The following ROCK1 variants were observed in gnomAD, a reference collection of about 807,000 sequenced individuals.
ROCK1 encodes the protein Rho associated coiled-coil containing protein kinase 1.
In ROCK1, 36 loss-of-function variants were observed where a neutral mutation model predicts 196.8. The ratio of observed to expected loss-of-function variants is 0.18; its 90% confidence interval spans 0.14 to 0.24. The LOEUF is 0.24. Among genes scored for constraint, ROCK1 ranks in the 10% least tolerant of loss-of-function variants. The pLI is 1.00. For missense variants in ROCK1, 920 were observed against 1,562.0 expected (o/e 0.59, Z 6.93); for synonymous variants, 443 against 515.9 (o/e 0.86, Z 1.91).
chr18:21,014,302 T>C (rs2035844794), intron 13 of ROCK1, among the ~76,000 whole-genome samples: 1 of 152,156 alleles, frequency 6.6e-6, no homozygotes, highest in African/African-American at 2.4e-5. Context: ...GAAGACTCAT[T>C]CATGTGTTGT....
At chr18:21,011,168 T>C (rs1480490396) in intron 13 of ROCK1, among the ~76,000 whole-genome samples, 1 of 152,194 alleles carries the variant, frequency 6.6e-6, no homozygotes, top group African/African-American at 2.4e-5. Flanking sequence ...TTTAATGTCA[T>C]TATTGGTAGT....
At chr18:20,984,742 A>G (rs2035562727) in intron 19 of ROCK1, among the ~76,000 whole-genome samples, 1 of 152,192 alleles carries the variant, frequency 6.6e-6, no homozygotes, top group African/African-American at 2.4e-5. Flanking sequence ...CAGACATGAG[A>G]TCTTGTGGAG....
intron 22 of ROCK1, among the ~76,000 whole-genome samples, chr18:20,976,676 A>G (rs1236621468): frequency 6.6e-6 from 1 of 152,204 alleles, no homozygotes; most frequent in Non-Finnish European, 1.5e-5. Flanking sequence ...ACAGATCTCT[A>G]TATTAGTGGT....
chr18:21,024,854 T>TA (rs1202032488), intron 10 of ROCK1, among the ~76,000 whole-genome samples: 2 of 152,208 alleles, frequency 1.3e-5, no homozygotes, highest in Non-Finnish European at 1.5e-5. Flanking sequence ...AAAAGTCCCA[T>TA]ATAACAAATG....
At chr18:20,960,318 A>G (rs2035315122) in intron 27 of ROCK1, 112 bp from the exon 28 acceptor site, 8 of 665,152 alleles carry the variant, frequency 1.2e-5, no homozygotes, top group Non-Finnish European at 1.9e-5. Context: ...AACTAAATGA[A>G]TAAGTGCTAT....
chr18:21,022,996 T>A (rs1047969147), intron 11 of ROCK1, among the ~76,000 whole-genome samples: 1 of 122,152 alleles, frequency 8.2e-6, no homozygotes, highest in South Asian at 2.6e-4. Context: ...CACATATGGA[T>A]AAATATTGTA....
chr18:21,045,303 A>G lies in ROCK1; in HGVS notation c.579T>C (p.Gly193=), dbSNP rs1598541808. ...ACTTTTATCTTTACCTGTGAATAAAACCCATGGAATGGATTGCATCCAATG... is the reference window on the plus strand; with the variant it reads ...ACTTTTATCTTTACCTGTGAATAAAGCCCATGGAATGGATTGCATCCAATG... The part of the protein sequence containing the change: ...VLALDAIHSM[G]FIHRDVKPDN... Residue 193 remains glycine (G), a synonymous_variant, in exon 5 of 33, where the codon GGT becomes GGC. Coordinates refer to ENST00000399799, the MANE Select transcript of ROCK1 (RefSeq NM_005406.3). 1.2e-6 allele frequency: 2 copies of G among 1,601,274 alleles called. No individual in the cohort carries two copies. The highest frequency in any genetic ancestry group is 1.7e-6 in the Non-Finnish European group (2 of 1,175,886).
chr18:21,036,509 A>G (rs2036058664), intron 9 of ROCK1, among the ~76,000 whole-genome samples: 1 of 152,224 alleles, frequency 6.6e-6, no homozygotes. Context: ...CAGTAGCATT[A>G]TCATAGCTAA....
intron 2 of ROCK1, 129 bp from the exon 3 acceptor site, chr18:21,050,009 ATGG>A: frequency 2.0e-6 from 1 of 511,432 alleles, no homozygotes; most frequent in Non-Finnish European, 3.3e-6. Context: ...ATTTGAAAAT[ATGG>A]TGAAACTTGA....
chr18:20,999,834 CG>C (rs996629706), intron 16 of ROCK1, among the ~76,000 whole-genome samples: 2 of 152,022 alleles, frequency 1.3e-5, no homozygotes, highest in African/African-American at 4.8e-5. Flanking sequence ...CCATGTTGCT[CG>C]GGGGGGTCTC....
intron 20 of ROCK1, among the ~76,000 whole-genome samples, chr18:20,983,227 A>G (rs971684204): frequency 6.6e-6 from 1 of 150,904 alleles, no homozygotes; most frequent in African/African-American, 2.4e-5. Flanking sequence ...AAATTTAATA[A>G]TAATTCAGTG....
chr18:21,081,009 T>C (rs1598556018), intron 1 of ROCK1, among the ~76,000 whole-genome samples: 1 of 152,106 alleles, frequency 6.6e-6, no homozygotes. Context: ...ATAAACCAAC[T>C]GGACCTAACA....
At chr18:21,094,440 G>A (rs906477932) in intron 1 of ROCK1, among the ~76,000 whole-genome samples, 3 of 152,074 alleles carry the variant, frequency 2.0e-5, no homozygotes, top group Admixed American at 1.3e-4. Flanking sequence ...ATTTTTAAAT[G>A]GGCAAAGGAT....
chr18:20,953,055 T>C (rs1459502032), intron 32 of ROCK1, among the ~76,000 whole-genome samples: 2 of 152,106 alleles, frequency 1.3e-5, no homozygotes, highest in Admixed American at 6.5e-5. Context: ...CAAACCACCA[T>C]GGCACGTGTA....
At position 20,979,988 on chromosome 18, in the gene ROCK1, T is replaced by C; in HGVS notation, c.2576A>G (p.Gln859Arg). The C allele has an allele frequency of 6.4e-7, 1 of 1,555,508 alleles. No homozygotes were observed. Among genetic ancestry groups the C allele is most frequent in the Non-Finnish European group, 8.7e-7 (1 of 1,148,912 alleles). The stretch of plus-strand genomic sequence containing the variant: ...AATTTCTTCTTTAAGTTCCTTTACC[T>C]GGGTTTTATAAAGTGTCTGCAAAAC... ...EQYFSTLYKT[Q>R]VKELKEEIEE... The change falls in exon 22 of 33, where the codon CAG (glutamine) becomes CGG (arginine). Residue 859 changes from glutamine to arginine, a missense_variant. Gln to Arg is a conservative substitution (Grantham distance 43, BLOSUM62 1). Around this residue, in one of 6 missense-constraint regions of ROCK1, gnomAD observed 520 missense variants for 657.1 expected, o/e 0.79. Transcript: ENST00000399799.
intron 2 of ROCK1, among the ~76,000 whole-genome samples, chr18:21,059,922 C>T (rs538056334): frequency 1.3e-5 from 2 of 152,292 alleles, no homozygotes; most frequent in Admixed American, 1.3e-4. Flanking sequence ...CCAAAGAAGG[C>T]AGTCACAAAA....
At chr18:21,056,265 A>T (rs1371422931) in intron 2 of ROCK1, among the ~76,000 whole-genome samples, 2 of 152,114 alleles carry the variant, frequency 1.3e-5, no homozygotes, top group Non-Finnish European at 2.9e-5. Flanking sequence ...TTATCTATTC[A>T]ATTACTTTCA....
chr18:21,056,869 T>G (rs1192211491), intron 2 of ROCK1, among the ~76,000 whole-genome samples: 2 of 152,192 alleles, frequency 1.3e-5, no homozygotes, highest in Non-Finnish European at 2.9e-5. Flanking sequence ...TTCAGGCCTT[T>G]GCACTAGCTG....
At chr18:21,087,026 A>G (rs1187144042) in intron 1 of ROCK1, among the ~76,000 whole-genome samples, 1 of 152,204 alleles carries the variant, frequency 6.6e-6, no homozygotes, top group Admixed American at 6.5e-5. Flanking sequence ...TTAAACATGA[A>G]TATATTACGA....
Sources: gnomAD v4.1 joint callset for allele counts (sites outside exome capture counted in the v4.1 genomes callset) on GRCh38, gnomAD v4.1.1 for gene constraint, gnomAD v4.1.1 regional missense constraint, MANE v1.5 for transcripts, NCBI Gene and HGNC (gene_info 2026-07-23, HGNC 2026-07-21) for gene names.